CCDC30: variants seen among roughly 807,000 people sequenced by gnomAD.
CCDC30 encodes the protein coiled-coil domain containing 30, also known as coiled-coil domain-containing protein 30.
A neutral mutation model predicts 100.2 loss-of-function variants in CCDC30; 70 were observed. The observed-to-expected ratio is 0.70, with a 90% CI of 0.58 to 0.85. The LOEUF (loss-of-function observed/expected upper bound fraction) is 0.85. Among genes scored for constraint, CCDC30 ranks in the 40% least tolerant of loss-of-function variants. The pLI is 0.00. For missense variants in CCDC30, 652 were observed against 771.2 expected (o/e 0.85, Z 1.83); for synonymous variants, 233 against 269.5 (o/e 0.86, Z 1.33).
chr1:42,530,170 C>T (rs911633954), intron 6 of CCDC30, among the ~76,000 whole-genome samples: 1 of 152,178 alleles, frequency 6.6e-6, no homozygotes, highest in Non-Finnish European at 1.5e-5. Flanking sequence ...ATCAGAAGGT[C>T]AGTAGTAGTC....
intron 6 of CCDC30, among the ~76,000 whole-genome samples, chr1:42,533,442 CAGG>C (rs952976463): frequency 2.0e-4 from 30 of 152,292 alleles, no homozygotes; most frequent in African/African-American, 6.7e-4. Context: ...CCAGAGTAAG[CAGG>C]AGTATTCCCA....
chr1:42,655,253 G>A (rs1393527429), downstream of CCDC30, among the ~76,000 whole-genome samples: 1 of 152,048 alleles, frequency 6.6e-6, no homozygotes, highest in Admixed American at 6.6e-5. Flanking sequence ...TTTAAAAGTG[G>A]ATAGGAGGTT....
chr1:42,476,520 G>A (rs1643883155), intron 1 of CCDC30, among the ~76,000 whole-genome samples: 2 of 151,954 alleles, frequency 1.3e-5, no homozygotes, highest in Admixed American at 6.6e-5. Context: ...GAGAAACCCT[G>A]TCTCTACTAA....
intron 1 of CCDC30, among the ~76,000 whole-genome samples, chr1:42,472,899 C>A (rs567686801): frequency 6.6e-6 from 1 of 152,098 alleles, no homozygotes; most frequent in African/African-American, 2.4e-5. Flanking sequence ...GTATTGCCAG[C>A]TATATTTTGT....
At chr1:42,587,569 A>G (rs1428556592) in intron 9 of CCDC30, among the ~76,000 whole-genome samples, 1 of 152,316 alleles carries the variant, frequency 6.6e-6, no homozygotes, top group Non-Finnish European at 1.5e-5. Context: ...CTGCACTTAC[A>G]TCCAAGAAAC....
intron 7 of CCDC30, among the ~76,000 whole-genome samples, chr1:42,569,379 C>T (rs1164026969): frequency 6.6e-6 from 1 of 152,170 alleles, no homozygotes; most frequent in East Asian, 1.9e-4. Context: ...TGAAAAAAAG[C>T]TCATCATCGC....
intron 11 of CCDC30, among the ~76,000 whole-genome samples, chr1:42,615,621 AC>A (rs1014086560): frequency 2.6e-5 from 4 of 152,110 alleles, no homozygotes; most frequent in African/African-American, 7.2e-5. Flanking sequence ...CTTAAAAAAA[AC>A]CCTACGATTC....
At chr1:42,617,012 G>A (rs558073810) in intron 11 of CCDC30, among the ~76,000 whole-genome samples, 6 of 152,288 alleles carry the variant, frequency 3.9e-5, no homozygotes, top group East Asian at 1.9e-4. Context: ...AAGAGCATAC[G>A]ATAAACATTT....
intron 4 of CCDC30, among the ~76,000 whole-genome samples, chr1:42,496,097 T>C (rs1348189431): frequency 6.7e-6 from 1 of 149,552 alleles, no homozygotes; most frequent in African/African-American, 2.5e-5. Flanking sequence ...TGTGGTATAA[T>C]GTCATTTGGG....
At chr1:42,473,262 G>A in intron 1 of CCDC30, 1 of 1,231,602 alleles carries the variant, frequency 8.1e-7, no homozygotes, top group South Asian at 4.1e-5. Flanking sequence ...TACCACAGAT[G>A]TAGAAGAGCT....
chr1:42,612,653 T>C (rs952885002), intron 11 of CCDC30, among the ~76,000 whole-genome samples: 43 of 152,360 alleles, frequency 2.8e-4, no homozygotes, highest in African/African-American at 9.6e-4. Flanking sequence ...TCATTATCAC[T>C]GTTATCAATA....
At chr1:42,569,797 T>C (rs1645693330) in intron 7 of CCDC30, among the ~76,000 whole-genome samples, 1 of 152,110 alleles carries the variant, frequency 6.6e-6, no homozygotes, top group African/African-American at 2.4e-5. Context: ...TATGCAGCCA[T>C]AAAAAAGAAT....
chr1:42,543,109 G>A (rs1312578881), intron 6 of CCDC30, among the ~76,000 whole-genome samples: 1 of 151,700 alleles, frequency 6.6e-6, no homozygotes, highest in Non-Finnish European at 1.5e-5. Context: ...GAGTAGCTGG[G>A]ACTACAGGCA....
At chr1:42,584,756 A>G (rs1474171050) in intron 9 of CCDC30, among the ~76,000 whole-genome samples, 2 of 152,226 alleles carry the variant, frequency 1.3e-5, no homozygotes, top group African/African-American at 2.4e-5. Context: ...CAAGAAAATG[A>G]GGCTAGAAAG....
intron 11 of CCDC30, among the ~76,000 whole-genome samples, chr1:42,633,933 A>G (rs1647091288): frequency 6.6e-6 from 1 of 152,084 alleles, no homozygotes; most frequent in African/African-American, 2.4e-5. Context: ...CACGTCCTTC[A>G]CATGGTGGCA....
At chr1:42,566,272 T>A in intron 6 of CCDC30, 24 bp from the exon 11 acceptor site, 1 of 1,583,276 alleles carries the variant, frequency 6.3e-7, no homozygotes, top group Non-Finnish European at 8.6e-7. Context: ...TGTCTGTGTT[T>A]CTCTTTTAAA....
intron 10 of CCDC30, among the ~76,000 whole-genome samples, chr1:42,603,465 T>G (rs922682769): frequency 6.6e-6 from 1 of 152,206 alleles, no homozygotes; most frequent in Admixed American, 6.5e-5. Flanking sequence ...AAAAAGGATT[T>G]GACAAAATCC....
chr1:42,509,966 A>T, intron 6 of CCDC30: 2 of 730,798 alleles, frequency 2.7e-6, no homozygotes, highest in Non-Finnish European at 3.3e-6. Context: ...AAAGCATTTT[A>T]AGGTTTGGGG....
chr1:42,631,280 ACTCTTGTTCTCTTCC>A (rs920047187), intron 11 of CCDC30, among the ~76,000 whole-genome samples: 8 of 152,014 alleles, frequency 5.3e-5, no homozygotes, highest in African/African-American at 1.2e-4. Flanking sequence ...CTAGGCAGAG[ACTCTTGTTCTCTTCC>A]CTCTTGTTCT....
Sources: allele counts gnomAD v4.1 joint callset (sites outside exome capture counted in the v4.1 genomes callset), GRCh38; gene constraint gnomAD v4.1.1; transcripts MANE v1.5; gene names NCBI Gene and HGNC (gene_info 2026-07-23, HGNC 2026-07-21).